MYO6: variants seen among roughly 807,000 people sequenced by gnomAD.
The protein encoded by MYO6 is myosin VI, also known as unconventional myosin-VI.
In MYO6, 74 loss-of-function variants were observed where a neutral mutation model predicts 178.7. The ratio of observed to expected loss-of-function variants is 0.41; its 90% confidence interval spans 0.34 to 0.50. The LOEUF is 0.50. Among genes scored for constraint, MYO6 ranks in the 20% least tolerant of loss-of-function variants. MYO6 has a pLI of 0.09. For synonymous variants in MYO6, 477 were observed against 504.6 expected (o/e 0.95, Z 0.73); for missense variants, 1,330 against 1,547.4 (o/e 0.86, Z 2.36).
At chr6:75,754,181 AAC>A (rs1777139614) in intron 1 of MYO6, among the ~76,000 whole-genome samples, 1 of 152,186 alleles carries the variant, frequency 6.6e-6, no homozygotes, top group African/African-American at 2.4e-5. Flanking sequence ...TCTTGACAAA[AAC>A]ACAGTCATCT....
intron 28 of MYO6, among the ~76,000 whole-genome samples, chr6:75,893,547 T>A (rs568544731): frequency 6.6e-6 from 1 of 152,178 alleles, no homozygotes; most frequent in East Asian, 1.9e-4. Flanking sequence ...CAAACTGCAA[T>A]GTAATGGAAT....
intron 4 of MYO6, among the ~76,000 whole-genome samples, chr6:75,828,865 C>T (rs549586373): frequency 2.6e-5 from 4 of 152,116 alleles, no homozygotes; most frequent in South Asian, 2.1e-4. Context: ...TTCAGAGTGT[C>T]GTTTAATATC....
chr6:75,911,197 A>G (rs1003566646), intron 32 of MYO6, among the ~76,000 whole-genome samples: 2 of 152,078 alleles, frequency 1.3e-5, no homozygotes, highest in African/African-American at 4.8e-5. Context: ...TTATAAAATA[A>G]AAATGGCATG....
At position 75,844,877 on chromosome 6, in the gene MYO6, T is replaced by G. The variant is rs1370064752; in HGVS notation, c.817-20T>G. On this transcript the variant is annotated intron_variant, in intron 9 of 34. Transcript: ENST00000369977. ...CTGTGGATCATATATGTTAATTATG[T>G]TTAATTTGTTTTGTCATAGTATTTA... The G allele has an allele frequency of 8.3e-6, 13 of 1,575,102 alleles. No homozygotes were observed. The highest frequency in any genetic ancestry group is 1.1e-5 in the Non-Finnish European group (13 of 1,144,864).
intron 3 of MYO6, among the ~76,000 whole-genome samples, chr6:75,826,413 T>C (rs769933096): frequency 1.3e-5 from 2 of 152,222 alleles, no homozygotes; most frequent in South Asian, 2.1e-4. Flanking sequence ...GGAGAGCAAG[T>C]AGTAATTCCC....
intron 1 of MYO6, among the ~76,000 whole-genome samples, chr6:75,765,520 G>A (rs368643134): frequency 3.3e-5 from 5 of 151,990 alleles, no homozygotes; most frequent in Admixed American, 6.6e-5. Flanking sequence ...ATAAAATTCT[G>A]TAGGGAAGAA....
At chr6:75,754,239 G>T (rs569996461) in intron 1 of MYO6, among the ~76,000 whole-genome samples, 2 of 152,250 alleles carry the variant, frequency 1.3e-5, no homozygotes, top group South Asian at 2.1e-4. Flanking sequence ...AAATAACCTG[G>T]CTGGGGCGTG....
At chr6:75,906,287 T>A (rs917567265) in intron 30 of MYO6, among the ~76,000 whole-genome samples, 24 of 152,234 alleles carry the variant, frequency 1.6e-4, no homozygotes, top group African/African-American at 5.5e-4. Context: ...TGTCTGCTAT[T>A]TGCAAGTGTA....
intron 18 of MYO6, chr6:75,867,631 C>T (rs1453421746): frequency 6.5e-6 from 1 of 154,188 alleles, no homozygotes; most frequent in Non-Finnish European, 1.4e-5. Flanking sequence ...ATGTGTTTCT[C>T]TCACAATGGC....
intron 28 of MYO6, chr6:75,894,919 G>A: frequency 1.0e-6 from 1 of 987,544 alleles, no homozygotes; most frequent in Non-Finnish European, 1.4e-6. Flanking sequence ...TTGATGCAAA[G>A]AGATGGTTTC....
At chr6:75,895,183 C>T in intron 28 of MYO6, 48 bp from the exon 29 acceptor site, 2 of 1,426,824 alleles carry the variant, frequency 1.4e-6, no homozygotes, top group Non-Finnish European at 2.0e-6. Context: ...CAGATTTTCA[C>T]AGTTCACAAT....
rs150527214 is a variant in MYO6, at chr6:75,827,870, T to C, written c.188-670T>C. On this transcript the variant is annotated intron_variant, in intron 3 of 34. Coordinates refer to ENST00000369977, the MANE Select transcript of MYO6 (RefSeq NM_004999.4). Reference sequence around the variant, plus strand: ...GGTGCTAATAACAGAAACAAGGTGGTTGAGAAGAGGAGTGGTTTTTGTCTA... The same window carrying C: ...GGTGCTAATAACAGAAACAAGGTGGCTGAGAAGAGGAGTGGTTTTTGTCTA... 9.0e-3 allele frequency among the ~76,000 whole-genome samples: 1,376 copies of C among 152,264 alleles called. 13 individuals carry two copies. Among genetic ancestry groups the C allele is most frequent in the Middle Eastern group, 0.02 (6 of 294 alleles).
At chr6:75,773,313 T>C (rs1169007559) in intron 1 of MYO6, among the ~76,000 whole-genome samples, 3 of 152,160 alleles carry the variant, frequency 2.0e-5, no homozygotes, top group Non-Finnish European at 2.9e-5. Context: ...AGCTGAACCA[T>C]TGTGGAGAAA....
chr6:75,911,674 T>A lies in MYO6; in HGVS notation c.3415T>A (p.Phe1139Ile). Residue 1139 changes from phenylalanine to isoleucine, a missense_variant and splice_region_variant, in exon 33 of 35, where the codon TTT becomes ATT. This residue lies in a region of MYO6 where 601 missense variants were observed against 626.1 expected (regional missense o/e 0.96). Coordinates refer to ENST00000369977, the MANE Select transcript of MYO6 (RefSeq NM_004999.4). ...CAACATAAAATATTTGTTCACAGAT[T>A]TTGCACCATTTTTGAACAATTCACG... Reference protein sequence around the residue: ...RAPKSVTDYDFAPFLNNSPQQ... With the variant: ...RAPKSVTDYDIAPFLNNSPQQ... 6.2e-7 allele frequency: 1 copy of A among 1,611,596 alleles called. No individual in the cohort carries two copies. Among genetic ancestry groups the A allele is most frequent in the East Asian group, 2.2e-5 (1 of 44,738 alleles).
chr6:75,868,169 A>T (rs551107707), intron 18 of MYO6, among the ~76,000 whole-genome samples: 2 of 152,064 alleles, frequency 1.3e-5, no homozygotes, highest in Admixed American at 1.3e-4. Flanking sequence ...AAATATTTAT[A>T]AGAGCTAGTT....
At chr6:75,785,515 A>AC (rs1429434604) in intron 1 of MYO6, among the ~76,000 whole-genome samples, 1 of 140,976 alleles carries the variant, frequency 7.1e-6, no homozygotes, top group Non-Finnish European at 1.5e-5. Context: ...TGTGTTGTCC[A>AC]CACCAGACTG....
rs529167250 is a variant in MYO6, at chr6:75,892,555, G to A, written c.2972G>A (p.Arg991Gln). ...GCTGAAGTGGAGGCACAGCTGGCCC[G>A]ACAGAAGGAGGAGGAATCCCAACAG... ...IQAEVEAQLA[R>Q]QKEEESQQQA... Residue 991 changes from arginine (R) to glutamine (Q), a missense_variant, in exon 28 of 35, where the codon CGA becomes CAA. Physicochemically the swap from Arg to Gln is conservative, Grantham distance 43. Coordinates refer to ENST00000369977, the MANE Select transcript of MYO6 (RefSeq NM_004999.4). 1.3e-5 allele frequency: 21 copies of A among 1,613,898 alleles called. No homozygotes were observed. The highest frequency in any genetic ancestry group is 3.4e-4 in the Middle Eastern group (2 of 5,872).
At chr6:75,832,544 C>T (rs1773205298) in intron 5 of MYO6, among the ~76,000 whole-genome samples, 1 of 152,024 alleles carries the variant, frequency 6.6e-6, no homozygotes, top group African/African-American at 2.4e-5. Context: ...TGCAGATCAG[C>T]TCTGGAATTA....
At chr6:75,841,520 C>T in intron 9 of MYO6, 142 bp downstream of exon 9, 1 of 706,364 alleles carries the variant, frequency 1.4e-6, no homozygotes, top group Non-Finnish European at 2.3e-6. Context: ...GAGACCCTGT[C>T]TCTAAAAAAA....
Sources: allele counts gnomAD v4.1 joint callset (sites outside exome capture counted in the v4.1 genomes callset), GRCh38; gene constraint gnomAD v4.1.1; regional missense constraint gnomAD v4.1.1; transcripts MANE v1.5; gene names NCBI Gene and HGNC (gene_info 2026-07-23, HGNC 2026-07-21).